HIVEP3: variants seen among roughly 807,000 people sequenced by gnomAD.
The protein encoded by HIVEP3 is HIVEP zinc finger 3, also known as transcription factor HIVEP3.
In HIVEP3, 49 loss-of-function variants were observed where a neutral mutation model predicts 152.8. The observed-to-expected ratio is 0.32, with a 90% CI of 0.26 to 0.41. The LOEUF (loss-of-function observed/expected upper bound fraction) is 0.41. Among genes scored for constraint, HIVEP3 ranks in the 10% least tolerant of loss-of-function variants. HIVEP3 has a pLI of 1.00. For synonymous variants in HIVEP3, 1,269 were observed against 1,289.0 expected (o/e 0.98, Z 0.33); for missense variants, 2,790 against 3,103.3 (o/e 0.90, Z 2.40).
At chr1:41,817,037 C>G (rs137985699) in intron 1 of HIVEP3, among the ~76,000 whole-genome samples, 268 of 152,332 alleles carry the variant, frequency 1.8e-3, no homozygotes, top group African/African-American at 4.8e-3. Flanking sequence ...ATGTCTGCCC[C>G]TTCCTAAAGT....
rs1485170464 is a variant in HIVEP3 at position 41,797,247 on chromosome 1, C to T, written c.-800-96252G>A. 5.3e-5 allele frequency among the ~76,000 whole-genome samples: 8 copies of T among 152,346 alleles called. No homozygotes were observed. In the South Asian group the frequency reaches 1.7e-3, roughly 32 times the overall value. Reference sequence around the variant, plus strand: ...GAGCTTATGCTCCAGGAAGCTCCTGCTCATTTTCAACCAGGGCCCAGCTAT... The same window carrying T: ...GAGCTTATGCTCCAGGAAGCTCCTGTTCATTTTCAACCAGGGCCCAGCTAT... On this transcript the variant is annotated intron_variant, in intron 1 of 8. Coordinates refer to ENST00000372583, the MANE Select transcript of HIVEP3 (RefSeq NM_024503.5).
chr1:41,774,876 G>A lies in HIVEP3; in HGVS notation c.-800-73881C>T, dbSNP rs112143911. 9.2e-5 allele frequency among the ~76,000 whole-genome samples: 14 copies of A among 151,850 alleles called. 3 individuals carry two copies. Among genetic ancestry groups the A allele is most frequent in the African/African-American group, 3.4e-4 (14 of 41,376 alleles). ...AGTGGCATGACCTTGGCTCACTGCA[G>A]CCTCGATCTCCTGGACTCAAGTGAT... On this transcript the variant is annotated intron_variant, in intron 1 of 8. Coordinates refer to ENST00000372583, the MANE Select transcript of HIVEP3 (RefSeq NM_024503.5).
chr1:41,993,077 A>C (rs1210747929), intron 1 of HIVEP3, among the ~76,000 whole-genome samples: 6 of 151,108 alleles, frequency 4.0e-5, no homozygotes, highest in African/African-American at 1.5e-4. Context: ...ACCATTCAGG[A>C]CATAGGCATG....
intron 1 of HIVEP3, among the ~76,000 whole-genome samples, chr1:41,780,779 G>T (rs1648997376): frequency 6.6e-6 from 1 of 152,104 alleles, no homozygotes; most frequent in Admixed American, 6.5e-5. Flanking sequence ...GCACCTAGGG[G>T]CTTCTGGTGA....
intron 1 of HIVEP3, among the ~76,000 whole-genome samples, chr1:41,861,028 T>C (rs1643880882): frequency 6.6e-6 from 1 of 152,198 alleles, no homozygotes; most frequent in Non-Finnish European, 1.5e-5. Flanking sequence ...GGAGAGGCCT[T>C]GCTGCCAGCC....
chr1:41,880,061 C>CTCTTTTT (rs574657885), intron 1 of HIVEP3, among the ~76,000 whole-genome samples: 2 of 152,152 alleles, frequency 1.3e-5, no homozygotes, highest in Non-Finnish European at 2.9e-5. Flanking sequence ...GGATCATCCT[C>CTCTTTTT]TCTTTTTTCT....
chr1:41,797,953 C>G (rs1200228803), intron 1 of HIVEP3, among the ~76,000 whole-genome samples: 1 of 152,048 alleles, frequency 6.6e-6, no homozygotes, highest in African/African-American at 2.4e-5. Context: ...GTACTCTAGC[C>G]TGGCAACAGA....
intron 2 of HIVEP3, among the ~76,000 whole-genome samples, chr1:41,630,577 G>A (rs1318963284): frequency 2.0e-5 from 3 of 152,200 alleles, no homozygotes; most frequent in South Asian, 4.1e-4. Flanking sequence ...TCCAGGAGCT[G>A]ACAGCAACCC....
intron 1 of HIVEP3, among the ~76,000 whole-genome samples, chr1:41,984,035 A>C (rs1645308826): frequency 1.3e-5 from 2 of 152,210 alleles, no homozygotes; most frequent in South Asian, 4.1e-4. Context: ...GCAATGGCAC[A>C]ATCTTGGCTC....
intron 2 of HIVEP3, among the ~76,000 whole-genome samples, chr1:41,681,413 A>G (rs572416928): frequency 6.6e-6 from 1 of 152,240 alleles, no homozygotes; most frequent in South Asian, 2.1e-4. Flanking sequence ...TGTTTTATCA[A>G]TGGGCTTTGG....
At chr1:42,028,403 T>G (rs1452100149) in intron 1 of HIVEP3, among the ~76,000 whole-genome samples, 1 of 152,134 alleles carries the variant, frequency 6.6e-6, no homozygotes, top group Non-Finnish European at 1.5e-5. Flanking sequence ...AGGAAGCACT[T>G]TTCTTTCTGC....
Sources: gnomAD v4.1 joint callset for allele counts (sites outside exome capture counted in the v4.1 genomes callset) on GRCh38, gnomAD v4.1.1 for gene constraint, MANE v1.5 for transcripts, NCBI Gene and HGNC (gene_info 2026-07-23, HGNC 2026-07-21) for gene names.